The following FARS2 variants were observed in gnomAD, a reference collection of about 807,000 sequenced individuals.
FARS2 encodes the protein phenylalanine--tRNA ligase, mitochondrial.
FARS2 carries 40 observed loss-of-function variants against 46.4 expected under a neutral mutation model. That is an observed-to-expected ratio of 0.86 (90% CI 0.67 to 1.12). FARS2 has a LOEUF of 1.12. FARS2 is among the 50% of genes most tolerant of loss of function. The pLI, the probability that FARS2 is intolerant of heterozygous loss-of-function variation, is 0.00. For missense variants in FARS2, 513 were observed against 567.9 expected (o/e 0.90, Z 0.98); for synonymous variants, 234 against 214.9 (o/e 1.09, Z -0.78).
chr6:5,365,510 ATTTTTTTTT>A (rs144909598), intron 1 of FARS2, among the ~76,000 whole-genome samples: 5 of 127,970 alleles, frequency 3.9e-5, no homozygotes, highest in Non-Finnish European at 3.2e-5. Flanking sequence ...ATTAAATAAA[ATTTTTTTTT>A]TTTTTTTTTT....
At chr6:5,378,356 G>A (rs886781416) in intron 2 of FARS2, among the ~76,000 whole-genome samples, 1 of 152,080 alleles carries the variant, frequency 6.6e-6, no homozygotes, top group African/African-American at 2.4e-5. Flanking sequence ...GCTTCTTTTT[G>A]AACACCCCTT....
chr6:5,670,615 G>A (rs1203826028), intron 6 of FARS2, among the ~76,000 whole-genome samples: 1 of 152,172 alleles, frequency 6.6e-6, no homozygotes, highest in African/African-American at 2.4e-5. Flanking sequence ...GTTATTACTT[G>A]TACGTACTTT....
At chr6:5,325,655 A>G (rs528909418) in intron 1 of FARS2, among the ~76,000 whole-genome samples, 1 of 152,368 alleles carries the variant, frequency 6.6e-6, no homozygotes, top group East Asian at 1.9e-4. Context: ...TAGCCATGAA[A>G]AAATGGTGTA....
intron 4 of FARS2, among the ~76,000 whole-genome samples, chr6:5,491,296 T>C (rs1356860555): frequency 6.6e-6 from 1 of 152,228 alleles, no homozygotes; most frequent in Non-Finnish European, 1.5e-5. Context: ...TTTCATTTTG[T>C]GTTTTCTTCC....
At position 5,369,360 on chromosome 6, in the gene FARS2, G is replaced by T. The variant is rs567191711; in HGVS notation, c.612+178G>T. Among the ~76,000 whole-genome samples the T allele has an allele frequency of 5.3e-5, 8 of 152,118 alleles. No individual in the cohort carries two copies. In the East Asian group the frequency reaches 5.8e-4, roughly 11 times the overall value. On this transcript the variant is annotated intron_variant, in intron 2 of 6. Transcript: ENST00000274680. ...AGGTGTGCCCCAGTACTTTTTGACC[G>T]CTTTGTTGTGTTAGTAACTACAGAA...
At chr6:5,731,508 A>T (rs189430500) in intron 6 of FARS2, among the ~76,000 whole-genome samples, 21 of 152,270 alleles carry the variant, frequency 1.4e-4, no homozygotes, top group African/African-American at 5.1e-4. Context: ...ATTAGAAGCC[A>T]TGGGCGCCAT....
chr6:5,733,188 A>G (rs1007734399), intron 6 of FARS2, among the ~76,000 whole-genome samples: 1 of 152,258 alleles, frequency 6.6e-6, no homozygotes, highest in Non-Finnish European at 1.5e-5. Flanking sequence ...ATTGCTGTAT[A>G]GAATTAAAAA....
At chr6:5,512,605 T>C (rs1365694115) in intron 4 of FARS2, among the ~76,000 whole-genome samples, 1 of 152,004 alleles carries the variant, frequency 6.6e-6, no homozygotes, top group Non-Finnish European at 1.5e-5. Flanking sequence ...CTGAAAACAT[T>C]ACTCAGCATT....
intron 5 of FARS2, among the ~76,000 whole-genome samples, chr6:5,581,765 G>A (rs1773342753): frequency 6.6e-6 from 1 of 152,158 alleles, no homozygotes; most frequent in Admixed American, 6.5e-5. Flanking sequence ...AATTCCTGAT[G>A]CGCTTTTCTA....
At chr6:5,346,803 G>A (rs1437667013) in intron 1 of FARS2, among the ~76,000 whole-genome samples, 5 of 150,990 alleles carry the variant, frequency 3.3e-5, no homozygotes, top group African/African-American at 9.8e-5. Context: ...CCTAAATGTA[G>A]ATAATGATAA....
intron 4 of FARS2, among the ~76,000 whole-genome samples, chr6:5,510,906 G>T (rs887884034): frequency 2.0e-5 from 3 of 152,142 alleles, no homozygotes; most frequent in African/African-American, 7.2e-5. Flanking sequence ...GGGCTTTACC[G>T]GTATGCAGAG....
rs148331736 is a variant in FARS2, at chr6:5,288,742, A to G, written c.-22+27082A>G. Among the ~76,000 whole-genome samples the G allele has an allele frequency of 3.3e-5, 5 of 152,312 alleles. No homozygotes were observed. In the East Asian group the frequency reaches 5.8e-4, roughly 18 times the overall value. ...TCATGGAGCTCAAGAAAATGCTCTT[A>G]AAAGACAGAGAATTAGAAAAAATAC... On this transcript the variant is annotated intron_variant, in intron 1 of 6. Transcript: ENST00000274680.
At chr6:5,562,626 A>C (rs1393816600) in intron 5 of FARS2, among the ~76,000 whole-genome samples, 1 of 151,616 alleles carries the variant, frequency 6.6e-6, no homozygotes, top group Non-Finnish European at 1.5e-5. Context: ...ATTCCCACAG[A>C]TGTATATTTT....
intron 6 of FARS2, among the ~76,000 whole-genome samples, chr6:5,637,668 T>G (rs1047498844): frequency 2.0e-5 from 3 of 152,202 alleles, no homozygotes; most frequent in Non-Finnish European, 4.4e-5. Context: ...CAGACTGACT[T>G]AAACAGCAGA....
Position 5,734,675 on chromosome 6 carries a change from T to C in FARS2, c.1218-36616T>C, listed in dbSNP as rs183256852. Among the ~76,000 whole-genome samples the C allele has an allele frequency of 1.6e-3, 246 of 152,304 alleles. 2 individuals are homozygous for C. Among genetic ancestry groups the C allele is most frequent in the African/African-American group, 5.5e-3 (229 of 41,552 alleles). Reference sequence around the variant, plus strand: ...TTACTGAATCTTCTTAATAACCCTTTGATATAGGCATTATATTATATTCAT... The same window carrying C: ...TTACTGAATCTTCTTAATAACCCTTCGATATAGGCATTATATTATATTCAT... On this transcript the variant is annotated intron_variant, in intron 6 of 6. Coordinates refer to ENST00000274680, the MANE Select transcript of FARS2 (RefSeq NM_006567.5).
At chr6:5,385,040 G>A (rs991661221) in intron 2 of FARS2, among the ~76,000 whole-genome samples, 3 of 152,140 alleles carry the variant, frequency 2.0e-5, no homozygotes, top group Non-Finnish European at 4.4e-5. Context: ...GAAAATCCAG[G>A]CAATGGCAAA....
intron 6 of FARS2, among the ~76,000 whole-genome samples, chr6:5,768,569 C>T (rs570135744): frequency 1.1e-4 from 16 of 152,342 alleles, no homozygotes; most frequent in Non-Finnish European, 2.4e-4. Context: ...ACCCAATTAG[C>T]ACTTTATAAT....
At chr6:5,708,679 G>A (rs1758919800) in intron 6 of FARS2, among the ~76,000 whole-genome samples, 1 of 151,638 alleles carries the variant, frequency 6.6e-6, no homozygotes. Context: ...ATGGTTTTTA[G>A]AGACAGGGTT....
At chr6:5,534,511 T>A (rs9378962) in intron 4 of FARS2, among the ~76,000 whole-genome samples, 24,473 of 152,204 alleles carry the variant, frequency 0.16, 2,183 homozygotes, top group African/African-American at 0.24. Context: ...AAGGGAAAGC[T>A]TAGATTTTTT....
Sources: allele counts gnomAD v4.1 joint callset (sites outside exome capture counted in the v4.1 genomes callset), GRCh38; gene constraint gnomAD v4.1.1; transcripts MANE v1.5; gene names NCBI Gene and HGNC (gene_info 2026-07-23, HGNC 2026-07-21).